The following KLHL18 variants were observed in gnomAD, a reference collection of about 807,000 sequenced individuals.
The protein encoded by KLHL18 is kelch like family member 18.
In KLHL18, 38 loss-of-function variants were observed where a neutral mutation model predicts 58.5. The observed-to-expected ratio is 0.65, with a 90% CI of 0.50 to 0.85. KLHL18 has a LOEUF of 0.85. KLHL18 is among the 40% of genes least tolerant of loss of function. The probability of loss-of-function intolerance (pLI) is 0.00; values close to 1 mark genes in which losing one functional copy is unlikely to be tolerated. For missense variants in KLHL18, 624 were observed against 778.4 expected, an observed-to-expected ratio of 0.80 and a Z score of 2.36; for synonymous variants, 303 against 301.9, an observed-to-expected ratio of 1.00 and a Z score of -0.04.
At chr3:47,323,665 G>T (rs957301278) in intron 3 of KLHL18, among the ~76,000 whole-genome samples, 3 of 152,150 alleles carry the variant, frequency 2.0e-5, no homozygotes, top group African/African-American at 7.2e-5. Context: ...GAGGCTTGGG[G>T]ATGTGGGTTA....
At chr3:47,326,921 CAAAAA>C (rs1430165395) in intron 3 of KLHL18, among the ~76,000 whole-genome samples, 1 of 140,540 alleles carries the variant, frequency 7.1e-6, no homozygotes, top group Non-Finnish European at 1.5e-5. Flanking sequence ...AGCTACATCT[CAAAAA>C]AAAAGAAAAA....
intron 7 of KLHL18, among the ~76,000 whole-genome samples, chr3:47,339,465 CTGA>C (rs1238650625): frequency 2.7e-5 from 4 of 147,718 alleles, no homozygotes; most frequent in Non-Finnish European, 5.9e-5. Flanking sequence ...GCACTCCAGC[CTGA>C]TGATAGAGCA....
intron 1 of KLHL18, among the ~76,000 whole-genome samples, chr3:47,316,613 G>GTGTA (rs1703442800): frequency 7.2e-6 from 1 of 138,044 alleles, no homozygotes; most frequent in African/African-American, 2.9e-5. Flanking sequence ...GTATATGTGT[G>GTGTA]TATATATACA....
chr3:47,312,480 A>ATTTT (rs1177748999), intron 1 of KLHL18, among the ~76,000 whole-genome samples: 1 of 152,118 alleles, frequency 6.6e-6, no homozygotes, highest in Non-Finnish European at 1.5e-5. Flanking sequence ...TTACAGATGA[A>ATTTT]TTTTTTTGAA....
intron 1 of KLHL18, among the ~76,000 whole-genome samples, chr3:47,304,070 C>T (rs989514370): frequency 2.0e-5 from 3 of 152,092 alleles, no homozygotes; most frequent in African/African-American, 7.2e-5. Context: ...TCCTTATATC[C>T]CCTATCTCTA....
At chr3:47,322,508 T>G in intron 2 of KLHL18, 60 bp from the exon 3 acceptor site, 1 of 1,483,858 alleles carries the variant, frequency 6.7e-7, no homozygotes, top group South Asian at 1.4e-5. Flanking sequence ...AGGGCCTGAG[T>G]CTCCCGTGGG....
chr3:47,322,667 G>A lies in KLHL18; in HGVS notation c.360G>A (p.Leu120=). The part of the protein sequence containing the change: ...SLLMGASFLQ[L]QSIKDACCTF... The stretch of plus-strand genomic sequence containing the variant: ...TGATGGGGGCGAGCTTCCTGCAGCT[G>A]CAGAGCATCAAAGACGCCTGCTGCA... The change falls in exon 3 of 10, where the codon CTG becomes CTA. Residue 120 remains leucine, a synonymous_variant. Transcript: ENST00000232766. The A allele has an allele frequency of 6.2e-7, 1 of 1,604,048 alleles. No individual in the cohort carries two copies. The highest frequency in any genetic ancestry group is 8.5e-7 in the Non-Finnish European group (1 of 1,175,644).
chr3:47,294,526 A>T (rs1458359917), intron 1 of KLHL18, among the ~76,000 whole-genome samples: 1 of 152,164 alleles, frequency 6.6e-6, no homozygotes, highest in Non-Finnish European at 1.5e-5. Flanking sequence ...AGGGAACAGT[A>T]AGCACGGAGC....
At chr3:47,337,101 G>A (rs1315692545) in intron 7 of KLHL18, 1 of 261,432 alleles carries the variant, frequency 3.8e-6, no homozygotes, top group Non-Finnish European at 7.4e-6. Context: ...GGGAAGAGGT[G>A]GGATTAAAGT....
intron 9 of KLHL18, among the ~76,000 whole-genome samples, 178 bp downstream of exon 9, chr3:47,343,008 T>C (rs1442773427): frequency 6.6e-6 from 1 of 152,156 alleles, no homozygotes; most frequent in Admixed American, 6.6e-5. Flanking sequence ...AATGAGCCAG[T>C]GTACACAAAA....
At chr3:47,328,175 G>A (rs1265073883) in intron 3 of KLHL18, among the ~76,000 whole-genome samples, 2 of 151,958 alleles carry the variant, frequency 1.3e-5, no homozygotes, top group Non-Finnish European at 2.9e-5. Context: ...GACCAGTCTG[G>A]GCAACATAGG....
At chr3:47,295,849 T>C (rs1344717962) in intron 1 of KLHL18, among the ~76,000 whole-genome samples, 1 of 152,110 alleles carries the variant, frequency 6.6e-6, no homozygotes, top group Admixed American at 6.5e-5. Context: ...CAAAGTGCTG[T>C]GTAGCCACTG....
chr3:47,338,999 A>C (rs1472371347), intron 7 of KLHL18, among the ~76,000 whole-genome samples: 1 of 152,108 alleles, frequency 6.6e-6, no homozygotes, highest in Non-Finnish European at 1.5e-5. Context: ...ACATGATTAC[A>C]CCACCAGACC....
intron 1 of KLHL18, among the ~76,000 whole-genome samples, chr3:47,317,739 T>A (rs1364717872): frequency 6.6e-6 from 1 of 152,222 alleles, no homozygotes; most frequent in Non-Finnish European, 1.5e-5. Flanking sequence ...AAATTTGACC[T>A]AATTATATTG....
At chr3:47,293,716 G>A (rs1209319495) in intron 1 of KLHL18, among the ~76,000 whole-genome samples, 2 of 152,182 alleles carry the variant, frequency 1.3e-5, no homozygotes, top group Non-Finnish European at 2.9e-5. Flanking sequence ...GGCATCATCT[G>A]CAAATTACAA....
intron 2 of KLHL18, among the ~76,000 whole-genome samples, chr3:47,320,502 A>G (rs1300890400): frequency 6.6e-6 from 1 of 152,090 alleles, no homozygotes; most frequent in Non-Finnish European, 1.5e-5. Context: ...TTATTGCCCA[A>G]CCTCTTAATC....
intron 4 of KLHL18, among the ~76,000 whole-genome samples, chr3:47,331,028 G>A (rs1015342821): frequency 3.9e-5 from 6 of 152,110 alleles, no homozygotes; most frequent in Admixed American, 2.0e-4. Context: ...CACTGTGCCC[G>A]GCCTAGTATA....
In KLHL18 at chr3:47,340,248, C is replaced by G. The variant is rs1279083518; in HGVS notation, c.1122-324C>G. Reference sequence around the variant, plus strand: ...TGGGGGTGGGAAAGAGTAATTCTTACAAAGGGGAGGAAGAGGAGAGTGGAA... The same window carrying G: ...TGGGGGTGGGAAAGAGTAATTCTTAGAAAGGGGAGGAAGAGGAGAGTGGAA... On this transcript the variant is annotated intron_variant, in intron 7 of 9. Transcript: ENST00000232766. 2.6e-5 allele frequency among the ~76,000 whole-genome samples: 4 copies of G among 151,936 alleles called. No individual in the cohort carries two copies. In the East Asian group the frequency reaches 7.7e-4, roughly 29 times the overall value.
At chr3:47,327,798 C>T (rs933202783) in intron 3 of KLHL18, among the ~76,000 whole-genome samples, 1 of 152,184 alleles carries the variant, frequency 6.6e-6, no homozygotes, top group African/African-American at 2.4e-5. Context: ...GTACCTTGCC[C>T]ATTCATTCAG....
Sources: gnomAD v4.1 joint callset for allele counts (sites outside exome capture counted in the v4.1 genomes callset) on GRCh38, gnomAD v4.1.1 for gene constraint, MANE v1.5 for transcripts, NCBI Gene and HGNC (gene_info 2026-07-23, HGNC 2026-07-21) for gene names.